The following ADAMTSL1 variants were observed in gnomAD, a reference collection of about 807,000 sequenced individuals.
The protein encoded by ADAMTSL1 is ADAMTS like 1, also known as ADAMTS-like protein 1.
ADAMTSL1 carries 126 observed loss-of-function variants against 201.8 expected under a neutral mutation model. The observed-to-expected ratio is 0.62, with a 90% confidence interval of 0.54 to 0.72. The LOEUF is 0.72. Ranked by LOEUF, ADAMTSL1 falls within the 30% of genes least tolerant of loss-of-function variation. ADAMTSL1 has a pLI of 0.00. For missense variants in ADAMTSL1, 2,679 were observed against 2,277.8 expected (o/e 1.18, Z -3.59); for synonymous variants, 1,121 against 903.4 (o/e 1.24, Z -4.32).
At chr9:18,174,475 A>G (rs1295209156) in intron 2 of ADAMTSL1, among the ~76,000 whole-genome samples, 1 of 152,192 alleles carries the variant, frequency 6.6e-6, no homozygotes, top group Non-Finnish European at 1.5e-5. Flanking sequence ...CATATGATCA[A>G]AAGTCAGATA....
rs143549478 is a variant in ADAMTSL1, at chr9:18,225,541, G to A, written c.207+61560G>A. On this transcript the variant is annotated intron_variant, in intron 2 of 29. Transcript: ENST00000680146. ...TTCTACTAGGCAATACGTTATTAAC[G>A]TAGATTGAATTATTTTTCATATTTA... 5.9e-3 allele frequency among the ~76,000 whole-genome samples: 892 copies of A among 152,034 alleles called. 7 individuals carry two copies. Among genetic ancestry groups the A allele is most frequent in the African/African-American group, 0.02 (815 of 41,484 alleles).
intron 1 of ADAMTSL1, among the ~76,000 whole-genome samples, chr9:17,982,799 G>A (rs1818763415): frequency 6.6e-6 from 1 of 151,896 alleles, no homozygotes; most frequent in Non-Finnish European, 1.5e-5. Flanking sequence ...TCTTATTGCT[G>A]TCTCCCAAAA....
intron 1 of ADAMTSL1, among the ~76,000 whole-genome samples, chr9:18,100,583 A>C (rs977743200): frequency 6.6e-6 from 1 of 151,796 alleles, no homozygotes; most frequent in Non-Finnish European, 1.5e-5. Flanking sequence ...TCCTAAGTCT[A>C]TTCCCCTCCC....
At chr9:17,929,195 T>C (rs1826676842) in intron 1 of ADAMTSL1, among the ~76,000 whole-genome samples, 4 of 152,168 alleles carry the variant, frequency 2.6e-5, no homozygotes, top group Admixed American at 2.6e-4. Flanking sequence ...AAACAGAAAT[T>C]GTACCATGGC....
intron 4 of ADAMTSL1, among the ~76,000 whole-genome samples, 172 bp from the exon 5 acceptor site, chr9:18,622,070 CT>C (rs1826069456): frequency 1.3e-5 from 2 of 152,196 alleles, no homozygotes; most frequent in South Asian, 2.1e-4. Context: ...CCCATGCTAC[CT>C]TTTTTTCTTT....
chr9:17,956,043 C>T (rs1172309215), intron 1 of ADAMTSL1, among the ~76,000 whole-genome samples: 1 of 152,166 alleles, frequency 6.6e-6, no homozygotes, highest in African/African-American at 2.4e-5. Flanking sequence ...TTGTAAATGA[C>T]AACCAAATAC....
intron 2 of ADAMTSL1, among the ~76,000 whole-genome samples, chr9:18,410,990 C>T (rs1450226846): frequency 6.6e-6 from 1 of 150,872 alleles, no homozygotes; most frequent in African/African-American, 2.4e-5. Context: ...TACAGGCGCA[C>T]ACCACCACGC....
intron 9 of ADAMTSL1, among the ~76,000 whole-genome samples, chr9:18,669,929 C>G (rs952856896): frequency 6.6e-6 from 1 of 152,136 alleles, no homozygotes; most frequent in Non-Finnish European, 1.5e-5. Context: ...AACTCCCAGC[C>G]TCTCAGGTGA....
chr9:17,946,646 C>T (rs1478730029), intron 1 of ADAMTSL1, among the ~76,000 whole-genome samples: 1 of 151,948 alleles, frequency 6.6e-6, no homozygotes, highest in Non-Finnish European at 1.5e-5. Context: ...AGATTTTTCC[C>T]ACCAGTAGAA....
chr9:18,146,606 A>G (rs954979268), intron 1 of ADAMTSL1, among the ~76,000 whole-genome samples: 1 of 152,108 alleles, frequency 6.6e-6, no homozygotes, highest in Non-Finnish European at 1.5e-5. Flanking sequence ...AGAGTGGTGA[A>G]ATTATTATGT....
At chr9:18,832,343 C>T (rs1164100893) in intron 23 of ADAMTSL1, among the ~76,000 whole-genome samples, 3 of 152,154 alleles carry the variant, frequency 2.0e-5, no homozygotes, top group Non-Finnish European at 4.4e-5. Flanking sequence ...GCCAGGGAGG[C>T]TGGAGAGGAG....
intron 14 of ADAMTSL1, among the ~76,000 whole-genome samples, chr9:18,709,872 T>C (rs1436684654): frequency 6.6e-6 from 1 of 152,186 alleles, no homozygotes; most frequent in Non-Finnish European, 1.5e-5. Flanking sequence ...AGATGAAGCC[T>C]TGTACCTGTT....
intron 1 of ADAMTSL1, among the ~76,000 whole-genome samples, chr9:18,125,361 C>T (rs931715734): frequency 1.3e-5 from 2 of 152,154 alleles, no homozygotes; most frequent in Non-Finnish European, 2.9e-5. Context: ...GTTCCTCCCA[C>T]GACCATGTGG....
intron 1 of ADAMTSL1, among the ~76,000 whole-genome samples, chr9:18,099,355 A>ATATATATATAT (rs1239180390): frequency 2.2e-4 from 10 of 45,546 alleles, no homozygotes; most frequent in Admixed American, 3.3e-4. Context: ...ATATATATAT[A>ATATATATATAT]TTTTTTTTTT....
intron 1 of ADAMTSL1, among the ~76,000 whole-genome samples, chr9:18,071,163 T>G (rs1822945858): frequency 6.6e-6 from 1 of 152,216 alleles, no homozygotes; most frequent in Admixed American, 6.5e-5. Flanking sequence ...AGAGCCACTG[T>G]GGGGGACGGC....
At chr9:18,628,423 A>T in intron 5 of ADAMTSL1, among the ~76,000 whole-genome samples, 1 of 152,278 alleles carries the variant, frequency 6.6e-6, no homozygotes, top group Non-Finnish European at 1.5e-5. Context: ...TCTGGACTCT[A>T]TTCTGCTATG....
rs190703555 is a variant in ADAMTSL1, at chr9:18,820,959, G to A, written c.3934+3722G>A. On this transcript the variant is annotated intron_variant, in intron 21 of 28. Coordinates refer to ENST00000380548, the MANE Select transcript of ADAMTSL1 (RefSeq NM_001040272.6). ...GCATTTAAAGAAGTAAAACCTGGCT[G>A]GTGGTGTGGCTATAATATCAAGAGC... Among the ~76,000 whole-genome samples the A allele has an allele frequency of 2.0e-3, 304 of 152,340 alleles. 2 individuals are homozygous for A. Among genetic ancestry groups the A allele is most frequent in the African/African-American group, 6.2e-3 (257 of 41,570 alleles).
At chr9:18,454,177 A>G (rs1820518436) in intron 2 of ADAMTSL1, among the ~76,000 whole-genome samples, 1 of 152,212 alleles carries the variant, frequency 6.6e-6, no homozygotes, top group Admixed American at 6.5e-5. Flanking sequence ...AGTGGAATAA[A>G]TATCAGTACA....
At chr9:18,749,048 C>T (rs955709913) in intron 15 of ADAMTSL1, among the ~76,000 whole-genome samples, 2 of 152,212 alleles carry the variant, frequency 1.3e-5, no homozygotes, top group Middle Eastern at 3.2e-3. Context: ...GTGTCTCCCT[C>T]TTTTCTTATA....
Sources: gnomAD v4.1 joint callset for allele counts (sites outside exome capture counted in the v4.1 genomes callset) on GRCh38, gnomAD v4.1.1 for gene constraint, MANE v1.5 for transcripts, NCBI Gene and HGNC (gene_info 2026-07-23, HGNC 2026-07-21) for gene names.